RBFOX1: variants seen among roughly 807,000 people sequenced by gnomAD.
RBFOX1 encodes RNA binding fox-1 homolog 1.
A neutral mutation model predicts 57.7 loss-of-function variants in RBFOX1; 8 were observed. The observed-to-expected ratio is 0.14, with a 90% CI of 0.08 to 0.25. The LOEUF is 0.25. Ranked by LOEUF, RBFOX1 falls within the 10% of genes least tolerant of loss-of-function variation. The pLI, the probability that RBFOX1 is intolerant of heterozygous loss-of-function variation, is 1.00. For missense variants in RBFOX1, 611 were observed against 548.5 expected, an observed-to-expected ratio of 1.11 and a Z score of -1.14; for synonymous variants, 326 against 222.4, an observed-to-expected ratio of 1.47 and a Z score of -4.15.
At chr16:6,071,987 G>A (rs1360765544) in intron 1 of RBFOX1, among the ~76,000 whole-genome samples, 1 of 152,052 alleles carries the variant, frequency 6.6e-6, no homozygotes, top group African/African-American at 2.4e-5. Flanking sequence ...GTTTTAGTCA[G>A]TTCTCACATT....
At chr16:5,511,312 C>T (rs1269584733) in intron 2 of RBFOX1, among the ~76,000 whole-genome samples, 1 of 152,170 alleles carries the variant, frequency 6.6e-6, no homozygotes, top group Admixed American at 6.5e-5. Context: ...GAGGAATGTG[C>T]AAAGCTAAGA....
chr16:5,945,287 G>A (rs567246290), intron 4 of RBFOX1, among the ~76,000 whole-genome samples: 13 of 152,268 alleles, frequency 8.5e-5, no homozygotes, highest in African/African-American at 3.1e-4. Flanking sequence ...ACCCACACAT[G>A]GTCTGATGTT....
At chr16:6,012,154 T>C (rs1286566469) in intron 4 of RBFOX1, among the ~76,000 whole-genome samples, 1 of 152,184 alleles carries the variant, frequency 6.6e-6, no homozygotes, top group Non-Finnish European at 1.5e-5. Flanking sequence ...CCTAAATTAA[T>C]TGCTTACTAC....
rs184479492 is a variant in RBFOX1, at chr16:6,749,149, G to A, written c.-16+94499G>A. On this transcript the variant is annotated intron_variant, in intron 3 of 15. Transcript: ENST00000550418. The stretch of plus-strand genomic sequence containing the variant: ...CTACTAGGAAGGCCGGATGGCATTC[G>A]AGAGAAAAAGTTATGGTCTCAGGCA... 2.7e-4 allele frequency among the ~76,000 whole-genome samples: 41 copies of A among 152,272 alleles called. 1 individual carries two copies. Among genetic ancestry groups the A allele is most frequent in the African/African-American group, 9.4e-4 (39 of 41,552 alleles).
At position 6,844,482 on chromosome 16, in the gene RBFOX1, C is replaced by T. The variant is rs117644486; in HGVS notation, c.-16+189832C>T. Among the ~76,000 whole-genome samples, 17 of 152,294 alleles carry T rather than the reference C, an allele frequency of 1.1e-4. No homozygotes were observed. The East Asian group carries it at 3.3e-3, about 29-fold the overall frequency. On this transcript the variant is annotated intron_variant, in intron 3 of 15. Coordinates refer to ENST00000550418, the MANE Select transcript of RBFOX1 (RefSeq NM_018723.4). ...TGTTCCTGCGTTAGTTATCTTCCAA[C>T]TCCATCTATGTCTCTGCAGAAGATA...
Position 7,203,986 on chromosome 16 carries a change from AC to A in RBFOX1, c.27+151889del, listed in dbSNP as rs141162479. Reference sequence around the variant, plus strand: ...AAGCTGTGCTGTGTTCTCAAACATCACTTACGTTATATTTTAAGACTGTCGC... The same window carrying A: ...AAGCTGTGCTGTGTTCTCAAACATCATTACGTTATATTTTAAGACTGTCGC... On this transcript the variant is annotated intron_variant, in intron 4 of 15. Transcript: ENST00000550418. Among the ~76,000 whole-genome samples the A allele has an allele frequency of 8.5e-3, 1,289 of 152,308 alleles. 13 individuals carry two copies. The highest frequency in any genetic ancestry group is 0.029 in the African/African-American group (1,225 of 41,564).
At chr16:5,920,156 G>A (rs916769490) in intron 4 of RBFOX1, among the ~76,000 whole-genome samples, 12 of 152,028 alleles carry the variant, frequency 7.9e-5, no homozygotes, top group Admixed American at 6.5e-5. Flanking sequence ...GGATGGTCTC[G>A]ATCTCCTGAC....
At chr16:7,471,605 C>T (rs4787023) in intron 4 of RBFOX1, among the ~76,000 whole-genome samples, 1 of 152,272 alleles carries the variant, frequency 6.6e-6, no homozygotes, top group African/African-American at 2.4e-5. Flanking sequence ...AATTCTGAGA[C>T]GGGGGTGGAG....
intron 2 of RBFOX1, among the ~76,000 whole-genome samples, chr16:6,623,586 C>T (rs889936765): frequency 7.2e-5 from 11 of 151,858 alleles, no homozygotes; most frequent in Admixed American, 2.6e-4. Context: ...TAATGCTATC[C>T]CTCCCCCTGC....
At chr16:7,360,999 G>C (rs1338490649) in intron 4 of RBFOX1, among the ~76,000 whole-genome samples, 1 of 152,186 alleles carries the variant, frequency 6.6e-6, no homozygotes, top group East Asian at 1.9e-4. Flanking sequence ...GCCATGATGA[G>C]AAAGAATGAA....
At chr16:7,272,069 C>T (rs986697924) in intron 4 of RBFOX1, among the ~76,000 whole-genome samples, 2 of 152,160 alleles carry the variant, frequency 1.3e-5, no homozygotes, top group Non-Finnish European at 2.9e-5. Flanking sequence ...GTGATCATAT[C>T]CTCTTCATAT....
At chr16:5,514,607 T>G (rs535299242) in intron 2 of RBFOX1, among the ~76,000 whole-genome samples, 16 of 152,308 alleles carry the variant, frequency 1.1e-4, no homozygotes, top group South Asian at 6.2e-4. Context: ...AGTCAGGCAC[T>G]GTTTTAGGTG....
At chr16:6,431,604 T>C (rs1404902933) in intron 2 of RBFOX1, among the ~76,000 whole-genome samples, 1 of 151,938 alleles carries the variant, frequency 6.6e-6, no homozygotes, top group East Asian at 1.9e-4. Context: ...ACAAAGATGA[T>C]GCTGGGGGTA....
chr16:6,591,166 C>T (rs1443869480), intron 2 of RBFOX1, among the ~76,000 whole-genome samples: 1 of 152,148 alleles, frequency 6.6e-6, no homozygotes, highest in Non-Finnish European at 1.5e-5. Context: ...AAAAACCTGG[C>T]CAGGCGTGGC....
intron 3 of RBFOX1, among the ~76,000 whole-genome samples, chr16:6,752,761 T>C (rs1185058917): frequency 6.6e-6 from 1 of 152,124 alleles, no homozygotes; most frequent in Admixed American, 6.6e-5. Context: ...TTACTGCTTC[T>C]TCACTTCCAT....
At chr16:5,741,875 C>T (rs1026461137) in intron 3 of RBFOX1, among the ~76,000 whole-genome samples, 3 of 152,136 alleles carry the variant, frequency 2.0e-5, no homozygotes, top group African/African-American at 7.2e-5. Flanking sequence ...TTAATACCTG[C>T]CGTATTATGA....
chr16:5,709,958 G>A (rs1596884343), intron 3 of RBFOX1, among the ~76,000 whole-genome samples: 1 of 144,888 alleles, frequency 6.9e-6, no homozygotes, highest in African/African-American at 2.6e-5. Context: ...TGAGAGATGA[G>A]GATATCTATC....
chr16:5,631,413 C>T (rs192554656), intron 3 of RBFOX1, among the ~76,000 whole-genome samples: 18 of 152,084 alleles, frequency 1.2e-4, no homozygotes, highest in Admixed American at 2.0e-4. Flanking sequence ...AAAAATTAGC[C>T]GGGTATGGTG....
intron 4 of RBFOX1, among the ~76,000 whole-genome samples, chr16:7,292,244 C>T (rs1297147415): frequency 1.1e-5 from 1 of 89,832 alleles, no homozygotes; most frequent in East Asian, 2.6e-4. Flanking sequence ...TATTATATAT[C>T]ATATATATGA....
Sources: allele counts gnomAD v4.1 joint callset (sites outside exome capture counted in the v4.1 genomes callset), GRCh38; gene constraint gnomAD v4.1.1; transcripts MANE v1.5; gene names NCBI Gene and HGNC (gene_info 2026-07-23, HGNC 2026-07-21).